PCDH9: variants seen among roughly 807,000 people sequenced by gnomAD.
The protein encoded by PCDH9 is protocadherin 9.
PCDH9 carries 24 observed loss-of-function variants against 70.6 expected under a neutral mutation model. The ratio of observed to expected loss-of-function variants is 0.34; its 90% CI spans 0.25 to 0.48. The LOEUF is 0.48. PCDH9 is among the 20% of genes least tolerant of loss of function. The pLI is 0.99. For synonymous variants in PCDH9, 562 were observed against 558.5 expected, an observed-to-expected ratio of 1.01 and a Z score of -0.09; for missense variants, 1,281 against 1,503.6, an observed-to-expected ratio of 0.85 and a Z score of 2.45.
intron 2 of PCDH9, chr13:67,225,181 A>G: frequency 7.3e-7 from 1 of 1,372,640 alleles, no homozygotes; most frequent in Non-Finnish European, 9.4e-7. Flanking sequence ...TTGCCATTTG[A>G]AGGAAACTGA....
intron 3 of PCDH9, among the ~76,000 whole-genome samples, chr13:66,880,653 G>T (rs1413177677): frequency 6.6e-6 from 1 of 151,986 alleles, no homozygotes; most frequent in African/African-American, 2.4e-5. Context: ...CTATCTCAAG[G>T]TCTGACTCCC....
chr13:66,867,663 C>G (rs1413064133), intron 3 of PCDH9, among the ~76,000 whole-genome samples: 1 of 151,952 alleles, frequency 6.6e-6, no homozygotes, highest in Non-Finnish European at 1.5e-5. Context: ...TGTATATTAA[C>G]CTATCATCTT....
chr13:67,067,246 A>G (rs2085665817), intron 2 of PCDH9, among the ~76,000 whole-genome samples: 1 of 152,238 alleles, frequency 6.6e-6, no homozygotes, highest in Non-Finnish European at 1.5e-5. Context: ...AGAATCACTC[A>G]GTAAGAAGTA....
At chr13:66,981,583 C>A (rs889735886) in intron 2 of PCDH9, among the ~76,000 whole-genome samples, 4 of 151,550 alleles carry the variant, frequency 2.6e-5, no homozygotes, top group African/African-American at 9.7e-5. Flanking sequence ...ATTATTACAT[C>A]TTATTAGATC....
At chr13:66,855,143 G>A (rs1318901244) in intron 3 of PCDH9, among the ~76,000 whole-genome samples, 2 of 152,040 alleles carry the variant, frequency 1.3e-5, no homozygotes, top group African/African-American at 4.8e-5. Context: ...TGTAAAAGTG[G>A]GTTTGGCATT....
intron 4 of PCDH9, among the ~76,000 whole-genome samples, chr13:66,359,998 T>C (rs377678703): frequency 6.6e-6 from 1 of 152,044 alleles, no homozygotes. Context: ...AGTTTAAAGT[T>C]TGTTTGGTTA....
At position 66,779,997 on chromosome 13, in the gene PCDH9, G is replaced by T. The variant is rs570080087; in HGVS notation, c.3138+123507C>A. ...ATAGGTCAAAGGATATAAAGTAGAG[G>T]TATGTAGAATAATCAAGCTAGAGAT... is the stretch of plus-strand genomic sequence containing the variant. On this transcript the variant is annotated intron_variant, in intron 3 of 4. Coordinates refer to ENST00000377865, the MANE Select transcript of PCDH9 (RefSeq NM_203487.3). Among the ~76,000 whole-genome samples the T allele has an allele frequency of 8.4e-4, 127 of 151,068 alleles. 1 individual carries two copies. Among genetic ancestry groups the T allele is most frequent in the African/African-American group, 2.9e-3 (121 of 41,198 alleles).
intron 2 of PCDH9, among the ~76,000 whole-genome samples, chr13:67,035,684 G>T (rs1279856672): frequency 6.6e-6 from 1 of 151,254 alleles, no homozygotes; most frequent in Non-Finnish European, 1.5e-5. Context: ...GAACATAAAC[G>T]AACTTTTCTT....
At chr13:66,618,341 G>T (rs952544026) in intron 4 of PCDH9, among the ~76,000 whole-genome samples, 2 of 152,094 alleles carry the variant, frequency 1.3e-5, no homozygotes, top group Non-Finnish European at 1.5e-5. Flanking sequence ...TCATGTATTT[G>T]TCAGCCACAC....
intron 2 of PCDH9, chr13:67,220,719 T>C (rs1593643677): frequency 1.3e-5 from 2 of 152,172 alleles, no homozygotes; most frequent in Admixed American, 6.6e-5. Flanking sequence ...AATAGAATAT[T>C]GTCACCACAT....
At chr13:67,066,590 C>A (rs1278987619) in intron 2 of PCDH9, among the ~76,000 whole-genome samples, 3 of 151,950 alleles carry the variant, frequency 2.0e-5, no homozygotes, top group African/African-American at 7.3e-5. Context: ...TCAATTTAAG[C>A]CAGATATGGA....
At chr13:66,897,887 T>C (rs963834690) in intron 3 of PCDH9, among the ~76,000 whole-genome samples, 27 of 152,122 alleles carry the variant, frequency 1.8e-4, no homozygotes, top group Admixed American at 1.6e-3. Context: ...TGTCCTGTGA[T>C]TTGTTAGAAA....
chr13:66,464,125 T>C (rs1288987799), intron 4 of PCDH9, among the ~76,000 whole-genome samples: 1 of 151,822 alleles, frequency 6.6e-6, no homozygotes, highest in African/African-American at 2.4e-5. Flanking sequence ...TCCCCTCTCA[T>C]TATGTGTATT....
chr13:66,519,851 A>G (rs1959909144), intron 4 of PCDH9, among the ~76,000 whole-genome samples: 1 of 152,146 alleles, frequency 6.6e-6, no homozygotes, highest in Non-Finnish European at 1.5e-5. Flanking sequence ...ACAGACTTTG[A>G]GCTTCTCTTC....
chr13:66,465,713 T>A lies in PCDH9; in HGVS notation c.3341-160685A>T, dbSNP rs559903079. Among the ~76,000 whole-genome samples, 8 of 152,074 alleles carry A rather than the reference T, an allele frequency of 5.3e-5. No individual in the cohort carries two copies. In the South Asian group the frequency reaches 1.7e-3, roughly 31 times the overall value. ...ATTTTTGAAATTATTATTAAAAGTA[T>A]GAAATTTCCTTTCATTATCTACATA... On this transcript the variant is annotated intron_variant, in intron 4 of 4. Transcript: ENST00000377865.
intron 4 of PCDH9, among the ~76,000 whole-genome samples, chr13:66,383,639 C>G (rs994520674): frequency 6.6e-6 from 1 of 152,094 alleles, no homozygotes; most frequent in Non-Finnish European, 1.5e-5. Flanking sequence ...CATTGATGAG[C>G]TAAAATCAGT....
chr13:66,772,060 G>A (rs969777564), intron 3 of PCDH9, among the ~76,000 whole-genome samples: 6 of 152,136 alleles, frequency 3.9e-5, no homozygotes, highest in Admixed American at 1.3e-4. Context: ...TGGGTCCTAA[G>A]CACAAGGCAT....
At chr13:66,464,135 T>A (rs1958474136) in intron 4 of PCDH9, among the ~76,000 whole-genome samples, 1 of 151,786 alleles carries the variant, frequency 6.6e-6, no homozygotes, top group Admixed American at 6.6e-5. Context: ...TTATGTGTAT[T>A]TTCAGATTCA....
At chr13:66,647,688 G>T (rs1198927691) in intron 3 of PCDH9, among the ~76,000 whole-genome samples, 1 of 152,088 alleles carries the variant, frequency 6.6e-6, no homozygotes, top group East Asian at 1.9e-4. Flanking sequence ...AGAGTAAAGG[G>T]GGCTTTGTCT....
Sources: gnomAD v4.1 joint callset for allele counts (sites outside exome capture counted in the v4.1 genomes callset) on GRCh38, gnomAD v4.1.1 for gene constraint, MANE v1.5 for transcripts, NCBI Gene and HGNC (gene_info 2026-07-23, HGNC 2026-07-21) for gene names.